The following RNF135 variants were observed in gnomAD, a reference collection of about 807,000 sequenced individuals.
RNF135 encodes the protein ring finger protein 135.
A neutral mutation model predicts 41.9 loss-of-function variants in RNF135; 46 were observed. The ratio of observed to expected loss-of-function variants is 1.10; its 90% CI spans 0.87 to 1.40. The LOEUF is 1.40. RNF135 is among the 40% of genes most tolerant of loss of function. RNF135 has a pLI of 0.00. For missense variants in RNF135, 539 were observed against 549.8 expected (o/e 0.98, Z 0.20); for synonymous variants, 238 against 223.8 (o/e 1.06, Z -0.57).
chr17:30,979,590 A>C (rs1598084908), intron 1 of RNF135, among the ~76,000 whole-genome samples: 1 of 68,002 alleles, frequency 1.5e-5, no homozygotes, highest in Non-Finnish European at 2.8e-5. Context: ...GGGGCTCCTC[A>C]CTTCCCAGTA....
chr17:30,984,734 G>C lies in RNF135; in HGVS notation c.490G>C (p.Asp164His). ...NQRPLSESGP[D>H]NELSILGKAF... ...GAGGCCCCTATCAGAATCTGGACCA[G>C]ACAACGAACTGAGCATCCTGGGCAA... is the stretch of plus-strand genomic sequence containing the variant. Residue 164 changes from aspartate (D) to histidine (H), a missense_variant, in exon 2 of 5, where the codon GAC (aspartate) becomes CAC (histidine). Coordinates refer to ENST00000328381, the MANE Select transcript of RNF135 (RefSeq NM_032322.4). 6.2e-7 allele frequency: 1 copy of C among 1,614,164 alleles called. No homozygotes were observed. The highest frequency in any genetic ancestry group is 8.5e-7 in the Non-Finnish European group (1 of 1,180,018).
At chr17:30,975,736 T>TG in intron 1 of RNF135, 2 of 1,339,540 alleles carry the variant, frequency 1.5e-6, no homozygotes, top group South Asian at 2.3e-5. Flanking sequence ...CTCACCTGAT[T>TG]GGCCTGGTGT....
intron 3 of RNF135, among the ~76,000 whole-genome samples, chr17:30,992,790 G>A (rs556275863): frequency 6.6e-6 from 1 of 151,858 alleles, no homozygotes; most frequent in South Asian, 2.1e-4. Flanking sequence ...TTTTTTTTGT[G>A]GAGAAGAGGT....
At chr17:30,991,822 A>G (rs1908010529) in intron 3 of RNF135, among the ~76,000 whole-genome samples, 1 of 152,118 alleles carries the variant, frequency 6.6e-6, no homozygotes. Context: ...AAAGAGATTA[A>G]ACTTTTGTCT....
intron 1 of RNF135, chr17:30,971,676 C>G: frequency 7.5e-7 from 1 of 1,342,054 alleles, no homozygotes; most frequent in Non-Finnish European, 9.5e-7. Flanking sequence ...TTAGCTGTTA[C>G]ACAGCTTGGC....
upstream of RNF135, chr17:30,970,992 G>C: frequency 6.6e-6 from 10 of 1,519,368 alleles, no homozygotes; most frequent in Non-Finnish European, 8.8e-6. Flanking sequence ...GGAGGGCAAG[G>C]GGAAGAGGAA....
chr17:30,971,980 C>A (rs527969546), intron 1 of RNF135: 3 of 153,066 alleles, frequency 2.0e-5, no homozygotes, highest in South Asian at 3.8e-4. Flanking sequence ...TTAGTAGAGA[C>A]GGGGTTTCGA....
intron 4 of RNF135, chr17:30,997,555 T>C (rs1361795872): frequency 1.6e-6 from 1 of 616,582 alleles, no homozygotes; most frequent in East Asian, 3.6e-5. Flanking sequence ...ATCTCTGCTG[T>C]GGCCACCAAC....
At chr17:30,997,495 G>T (rs774425838) in intron 4 of RNF135, 164 bp downstream of exon 4, 1 of 697,936 alleles carries the variant, frequency 1.4e-6, no homozygotes, top group Non-Finnish European at 2.6e-6. Context: ...AGGCAAAGCA[G>T]GTTGAGACTC....
At chr17:30,968,121 T>C (rs1567732970), upstream of RNF135, among the ~76,000 whole-genome samples, 1 of 151,568 alleles carries the variant, frequency 6.6e-6, no homozygotes, top group Non-Finnish European at 1.5e-5. Flanking sequence ...AAACCCCATC[T>C]CTACTAAAAA....
intron 1 of RNF135, chr17:30,972,334 C>G (rs1375174477): frequency 6.7e-6 from 1 of 149,876 alleles, no homozygotes; most frequent in Non-Finnish European, 1.5e-5. Context: ...AGGATGGTCT[C>G]GATCTTCTGA....
In RNF135 at chr17:30,971,286, C is replaced by T. The variant is rs7225888; in HGVS notation, c.213C>T (p.His71=). ...TCRQGAAQQP[H]LRKNTLLQDL... ...GCCAGGGCGCCGCGCAGCAGCCGCA[C>T]CTGCGGAAGAACACGCTACTGCAGG... Residue 71 remains histidine (H), a synonymous_variant, in exon 1 of 5, where the codon CAC becomes CAT. Coordinates refer to ENST00000328381, the MANE Select transcript of RNF135 (RefSeq NM_032322.4). 26 of 1,527,364 alleles carry T rather than the reference C, an allele frequency of 1.7e-5. No homozygotes were observed. The highest frequency in any genetic ancestry group is 2.0e-5 in the Non-Finnish European group (23 of 1,141,438). The allele number at this position is 1,527,364 out of a possible 1,614,324, so 94.6% of individuals were successfully genotyped here.
intron 1 of RNF135, among the ~76,000 whole-genome samples, chr17:30,979,958 C>A (rs1454763906): frequency 7.5e-5 from 8 of 107,046 alleles, no homozygotes; most frequent in Non-Finnish European, 1.6e-4. Flanking sequence ...CCTCACCTCC[C>A]GGACGGGGCG....
Position 30,971,080 on chromosome 17 carries a change from G to A in RNF135, c.7G>A (p.Gly3Ser), listed in dbSNP as rs1165517509. The A allele has an allele frequency of 6.5e-6, 10 of 1,534,076 alleles. No individual in the cohort carries two copies. Among genetic ancestry groups the A allele is most frequent in the Non-Finnish European group, 8.7e-6 (10 of 1,146,032 alleles). Residue 3 changes from glycine (G) to serine (S), a missense_variant, in exon 1 of 5, where the codon GGC becomes AGC. Physicochemically the swap from Gly to Ser is moderately conservative, Grantham distance 56 (BLOSUM62 0). Coordinates refer to ENST00000328381, the MANE Select transcript of RNF135 (RefSeq NM_032322.4). The part of the protein sequence containing the change: MA[G>S]LGLGSAVPVW... The stretch of plus-strand genomic sequence containing the variant: ...CCCCGGCCGCCTGTTGGCCATGGCG[G>A]GCCTGGGCCTGGGCTCCGCCGTTCC...
the RNF135 span, chr17:30,965,617 A>T: frequency 1.3e-5 from 2 of 152,170 alleles, no homozygotes; most frequent in African/African-American, 4.8e-5. Context: ...TAATCACCCA[A>T]CGGGTTCTTC....
upstream of RNF135, among the ~76,000 whole-genome samples, chr17:30,967,260 C>T (rs1905588872): frequency 6.6e-6 from 1 of 151,884 alleles, no homozygotes; most frequent in Non-Finnish European, 1.5e-5. Context: ...AAACTCCTGA[C>T]CTCAAGTGTT....
chr17:30,989,866 G>C (rs1368591968), intron 3 of RNF135, among the ~76,000 whole-genome samples: 1 of 151,806 alleles, frequency 6.6e-6, no homozygotes, highest in Non-Finnish European at 1.5e-5. Flanking sequence ...TGGGCATGGT[G>C]GTGGGTGCCT....
intron 1 of RNF135, among the ~76,000 whole-genome samples, chr17:30,984,296 G>A (rs966082566): frequency 2.6e-5 from 4 of 152,038 alleles, no homozygotes; most frequent in African/African-American, 9.7e-5. Flanking sequence ...TTACATTTAG[G>A]TCTTTGATCC....
chr17:30,993,071 T>TTATTATTATTAA (rs958262588), intron 3 of RNF135, among the ~76,000 whole-genome samples: 2 of 149,476 alleles, frequency 1.3e-5, no homozygotes, highest in African/African-American at 4.9e-5. Context: ...ATTATTATTA[T>TTATTATTATTAA]TAATTTTGAG....
Sources: gnomAD v4.1 joint callset for allele counts (sites outside exome capture counted in the v4.1 genomes callset) on GRCh38, gnomAD v4.1.1 for gene constraint, MANE v1.5 for transcripts, NCBI Gene and HGNC (gene_info 2026-07-23, HGNC 2026-07-21) for gene names.